SNTG1: variants seen among roughly 807,000 people sequenced by gnomAD.
The protein encoded by SNTG1 is syntrophin gamma 1.
A neutral mutation model predicts 74.7 loss-of-function variants in SNTG1; 39 were observed. The ratio of observed to expected loss-of-function variants is 0.52; its 90% CI spans 0.40 to 0.68. SNTG1 has a LOEUF of 0.68. Among genes scored for constraint, SNTG1 ranks in the 30% least tolerant of loss-of-function variants. SNTG1 has a pLI of 0.00. For synonymous variants in SNTG1, 254 were observed against 217.1 expected, an observed-to-expected ratio of 1.17 and a Z score of -1.49; for missense variants, 685 against 609.5, an observed-to-expected ratio of 1.12 and a Z score of -1.30.
chr8:50,220,724 C>T (rs558575320), intron 2 of SNTG1, among the ~76,000 whole-genome samples: 2 of 152,238 alleles, frequency 1.3e-5, no homozygotes, highest in African/African-American at 2.4e-5. Context: ...CTGAGAAGGA[C>T]CCTGGCACTT....
At chr8:50,041,714 T>C (rs1818657984) in intron 1 of SNTG1, among the ~76,000 whole-genome samples, 2 of 152,230 alleles carry the variant, frequency 1.3e-5, no homozygotes, top group Admixed American at 1.3e-4. Flanking sequence ...CATCCCCTTT[T>C]GATTCATGCC....
chr8:50,051,679 G>C (rs550905012), intron 1 of SNTG1, among the ~76,000 whole-genome samples: 44 of 152,148 alleles, frequency 2.9e-4, no homozygotes, highest in African/African-American at 1.1e-3. Context: ...TTATAGCTAC[G>C]TAACTCCATC....
rs572208280 is a variant in SNTG1 at position 50,010,258 on chromosome 8, C to T, written c.-103+98027C>T. The stretch of plus-strand genomic sequence containing the variant: ...CAGGCAGTATTCAAGGTGTATTACT[C>T]AGAGTAACTCACTTAATCCTCACAA... On this transcript the variant is annotated intron_variant, in intron 1 of 18. Coordinates refer to ENST00000642720, the MANE Select transcript of SNTG1 (RefSeq NM_018967.5). Among the ~76,000 whole-genome samples, 3 of 152,186 alleles carry T rather than the reference C, an allele frequency of 2.0e-5. No homozygotes were observed. In the South Asian group the frequency reaches 6.2e-4, roughly 32 times the overall value.
At chr8:50,747,261 C>A (rs933380426) in intron 17 of SNTG1, among the ~76,000 whole-genome samples, 2 of 151,940 alleles carry the variant, frequency 1.3e-5, no homozygotes, top group African/African-American at 4.8e-5. Flanking sequence ...TGACTTCAAT[C>A]ATGAAGGGTT....
At chr8:50,714,318 G>T (rs1436116723) in intron 17 of SNTG1, among the ~76,000 whole-genome samples, 1 of 151,816 alleles carries the variant, frequency 6.6e-6, no homozygotes, top group African/African-American at 2.4e-5. Context: ...TGGCTATATG[G>T]GCTCTTTTTT....
intron 18 of SNTG1, among the ~76,000 whole-genome samples, chr8:50,767,334 G>A (rs1284707743): frequency 6.6e-6 from 1 of 151,942 alleles, no homozygotes; most frequent in Non-Finnish European, 1.5e-5. Flanking sequence ...CAGAAATACT[G>A]AAGAAAATCG....
rs1823148194 is a variant in SNTG1 at position 50,088,614 on chromosome 8, GAGAA to G, written c.-102-83945_-102-83942del. On this transcript the variant is annotated intron_variant, in intron 1 of 18. Transcript: ENST00000642720. ...CAAGCATTCTTATACACCAACAACA[GAGAA>G]ACAGAGAGCCAAATCATGAGTGAAC... 2.4e-5 allele frequency among the ~76,000 whole-genome samples: 3 copies of G among 123,948 alleles called. No homozygotes were observed. The South Asian group carries it at 7.4e-4, about 31-fold the overall frequency. The allele number at this position is 123,948 out of a possible 152,430, so 81.3% of individuals were successfully genotyped here.
chr8:50,121,167 C>G (rs1253727817), intron 1 of SNTG1, among the ~76,000 whole-genome samples: 1 of 142,194 alleles, frequency 7.0e-6, no homozygotes, highest in Non-Finnish European at 1.6e-5. Context: ...TACGTAAGTG[C>G]CTCTGAATAT....
chr8:50,156,366 C>T (rs1053835175), intron 1 of SNTG1, among the ~76,000 whole-genome samples: 1 of 151,978 alleles, frequency 6.6e-6, no homozygotes, highest in Non-Finnish European at 1.5e-5. Context: ...CTTATGATCA[C>T]GGATGCTAAA....
intron 4 of SNTG1, among the ~76,000 whole-genome samples, chr8:50,421,022 T>TAA (rs536585946): frequency 0.1 from 4,143 of 39,606 alleles, 146 homozygotes; most frequent in Middle Eastern, 0.23. Flanking sequence ...AGACTCCACT[T>TAA]AAAAAAAAAA....
intron 18 of SNTG1, among the ~76,000 whole-genome samples, chr8:50,780,670 A>AT (rs1563832535): frequency 6.6e-6 from 1 of 152,076 alleles, no homozygotes; most frequent in African/African-American, 2.4e-5. Flanking sequence ...GGATTCTTTA[A>AT]TTTTTTGAAG....
chr8:50,565,479 G>A (rs1176294660), intron 12 of SNTG1, among the ~76,000 whole-genome samples: 1 of 152,016 alleles, frequency 6.6e-6, no homozygotes, highest in African/African-American at 2.4e-5. Context: ...ATCCAAAACT[G>A]TCCTAATATT....
chr8:50,455,878 G>A (rs185753996), intron 8 of SNTG1, among the ~76,000 whole-genome samples: 1 of 152,264 alleles, frequency 6.6e-6, no homozygotes, highest in Admixed American at 6.5e-5. Context: ...TCTGGAAATA[G>A]GTTTTGAGCT....
intron 2 of SNTG1, among the ~76,000 whole-genome samples, chr8:50,291,242 A>AAGTGTGTGTGTG (rs567146667): frequency 2.0e-5 from 3 of 149,184 alleles, no homozygotes; most frequent in African/African-American, 7.4e-5. Flanking sequence ...AGACAGACAT[A>AAGTGTGTGTGTG]TGTGTGTGTG....
chr8:50,025,667 G>T (rs1167868409), intron 1 of SNTG1, among the ~76,000 whole-genome samples: 1 of 152,100 alleles, frequency 6.6e-6, no homozygotes, highest in Non-Finnish European at 1.5e-5. Context: ...AAATGTTGAG[G>T]AAAATCTCAT....
chr8:50,787,705 C>T (rs1474387978), intron 18 of SNTG1, among the ~76,000 whole-genome samples: 2 of 151,898 alleles, frequency 1.3e-5, no homozygotes, highest in East Asian at 3.9e-4. Flanking sequence ...AACATAGGTG[C>T]ACCTTGAAAA....
chr8:50,215,108 T>C (rs1402946890), intron 2 of SNTG1, among the ~76,000 whole-genome samples: 1 of 152,036 alleles, frequency 6.6e-6, no homozygotes. Flanking sequence ...TGTGCACCAG[T>C]CCCGGAAGAT....
intron 8 of SNTG1, among the ~76,000 whole-genome samples, chr8:50,490,568 G>A (rs1479793319): frequency 6.6e-6 from 1 of 152,182 alleles, no homozygotes; most frequent in African/African-American, 2.4e-5. Flanking sequence ...CTCCCTGTTT[G>A]TCTATTATTG....
At position 50,647,890 on chromosome 8, in the gene SNTG1, AC is replaced by A. The variant is rs558138854; in HGVS notation, c.850-9018del. On this transcript the variant is annotated intron_variant, in intron 13 of 18. Transcript: ENST00000642720. ...TATTATGCCTGTAATTCCCATTTTTACATTTTTTTTTTAGAAATTAAGAGAT... is the reference window on the plus strand; with the variant it reads ...TATTATGCCTGTAATTCCCATTTTTAATTTTTTTTTTAGAAATTAAGAGAT... Among the ~76,000 whole-genome samples, 462 of 143,544 alleles carry A rather than the reference AC, an allele frequency of 3.2e-3. 3 individuals are homozygous for A. Among genetic ancestry groups the A allele is most frequent in the African/African-American group, 0.012 (445 of 37,444 alleles). 94.2% of individuals were successfully genotyped at this position (143,544 alleles called of 152,430 possible). A position where few individuals can be genotyped will look rare whatever the true frequency, so the allele number is the denominator to read the frequency against.
Sources: allele counts gnomAD v4.1 joint callset (sites outside exome capture counted in the v4.1 genomes callset), GRCh38; gene constraint gnomAD v4.1.1; transcripts MANE v1.5; gene names NCBI Gene and HGNC (gene_info 2026-07-23, HGNC 2026-07-21).